The following ACAN variants were observed in gnomAD, a reference collection of about 807,000 sequenced individuals.
ACAN encodes aggrecan.
ACAN carries 47 observed loss-of-function variants against 169.1 expected under a neutral mutation model. That is an observed-to-expected ratio of 0.28 (90% confidence interval 0.22 to 0.35). The LOEUF (loss-of-function observed/expected upper bound fraction) is 0.35. Among genes scored for constraint, ACAN ranks in the 10% least tolerant of loss-of-function variants. The pLI is 1.00. For missense variants in ACAN, 2,716 were observed against 2,759.9 expected, an observed-to-expected ratio of 0.98 and a Z score of 0.36; for synonymous variants, 1,115 against 1,112.2, an observed-to-expected ratio of 1.00 and a Z score of -0.05.
At chr15:88,854,773 G>A in intron 11 of ACAN, 79 bp from the exon 12 acceptor site, 1 of 1,333,262 alleles carries the variant, frequency 7.5e-7, no homozygotes, top group East Asian at 2.9e-5. Context: ...AAAGAATGGA[G>A]TTTAGATTCT....
At chr15:88,864,174 C>T (rs893878935) in intron 13 of ACAN, among the ~76,000 whole-genome samples, 5 of 151,974 alleles carry the variant, frequency 3.3e-5, no homozygotes. Flanking sequence ...GAGACCCTGT[C>T]TCAAAAATAA....
chr15:88,839,994 C>T lies in ACAN; in HGVS notation c.455-18C>T, dbSNP rs750461232. On this transcript the variant is annotated intron_variant, in intron 3 of 18. Coordinates refer to ENST00000560601, the MANE Select transcript of ACAN (RefSeq NM_001369268.1). The surrounding 1 kb of genome is among the most constrained non-coding windows in gnomAD (Gnocchi z 4.5). The stretch of plus-strand genomic sequence containing the variant: ...CCTGACCAGCTCTTCCGCTTGTGGG[C>T]GTGTATGTGTCTTGCAGGCATCGTG... 6.9e-6 allele frequency: 11 copies of T among 1,588,342 alleles called. No individual in the cohort carries two copies. The highest frequency in any genetic ancestry group is 2.3e-5 in the South Asian group (2 of 87,162).
chr15:88,819,834 A>G (rs1469390442), intron 1 of ACAN, among the ~76,000 whole-genome samples: 1 of 152,164 alleles, frequency 6.6e-6, no homozygotes, highest in East Asian at 1.9e-4. Flanking sequence ...TTTGAGGACT[A>G]GAACAAACCT....
rs1252634842 is a variant in ACAN, at chr15:88,814,681, T to C, written c.-8+10872T>C. 1.3e-5 allele frequency among the ~76,000 whole-genome samples: 2 copies of C among 152,192 alleles called. No individual in the cohort carries two copies. Among genetic ancestry groups the C allele is most frequent in the African/African-American group, 2.4e-5 (1 of 41,450 alleles). On this transcript the variant is annotated intron_variant, in intron 1 of 18. Transcript: ENST00000560601. The surrounding 1 kb of genome is among the most constrained non-coding windows in gnomAD (Gnocchi z 4.0). ...TTGTGCCAGTGTGCAGCCTTTGCAA[T>C]TGATTGTACCCGACTCCTTCAACCC...
rs1270092009 is a variant in ACAN, at chr15:88,807,680, A to T, written c.-8+3871A>T. Among the ~76,000 whole-genome samples, 2 of 152,066 alleles carry T rather than the reference A, an allele frequency of 1.3e-5. No homozygotes were observed. The highest frequency in any genetic ancestry group is 6.5e-5 in the Admixed American group (1 of 15,274). ...AACGGTTTCTTTTTTCAAAAGTTGA[A>T]TCCAGGGCAAGAACGGAAACGGTGG... is the stretch of plus-strand genomic sequence containing the variant. On this transcript the variant is annotated intron_variant, in intron 1 of 18. Coordinates refer to ENST00000560601, the MANE Select transcript of ACAN (RefSeq NM_001369268.1). This position sits in a 1 kb window ranked among gnomAD's most constrained non-coding sequence, Gnocchi z 4.0.
At chr15:88,818,415 C>T (rs780168270) in intron 1 of ACAN, among the ~76,000 whole-genome samples, 223 of 152,228 alleles carry the variant, frequency 1.5e-3, no homozygotes, top group Non-Finnish European at 1.7e-3. Context: ...TGAGAAATTC[C>T]GCAGGTTCTC....
chr15:88,865,058 T>G (rs1006538889), intron 13 of ACAN, among the ~76,000 whole-genome samples: 11 of 152,220 alleles, frequency 7.2e-5, no homozygotes, highest in Non-Finnish European at 2.9e-5. Flanking sequence ...AACCACGTGA[T>G]GCTTTGCAAC....
rs1337120217 is a variant in ACAN, at chr15:88,870,265, C to T, written c.7061-1117C>T. On this transcript the variant is annotated intron_variant, in intron 14 of 18. Transcript: ENST00000560601. The surrounding 1 kb of genome is among the most constrained non-coding windows in gnomAD (Gnocchi z 6.3). The stretch of plus-strand genomic sequence containing the variant: ...GACTCCTTCCCCTCGGGTACTGGTC[C>T]TTCCATTCCAGGACAGCCAGAGTAT... Among the ~76,000 whole-genome samples, 1 of 152,182 alleles carries T rather than the reference C, an allele frequency of 6.6e-6. No homozygotes were observed. Among genetic ancestry groups the T allele is most frequent in the Non-Finnish European group, 1.5e-5 (1 of 68,042 alleles).
chr15:88,867,135 GA>G (rs1158316377), intron 13 of ACAN, among the ~76,000 whole-genome samples: 1 of 152,218 alleles, frequency 6.6e-6, no homozygotes, highest in African/African-American at 2.4e-5. Flanking sequence ...GAAAGCAGAA[GA>G]GATCCCCCAG....
At chr15:88,836,103 G>A (rs2141556248) in intron 1 of ACAN, 97 bp from the exon 2 acceptor site, 1 of 815,696 alleles carries the variant, frequency 1.2e-6, no homozygotes, top group Non-Finnish European at 2.1e-6. Context: ...AGGTCCTTGG[G>A]TGTGGAATTA....
At position 88,855,167 on chromosome 15, in the gene ACAN, C is replaced by G. The variant is rs1392497696; in HGVS notation, c.2582C>G (p.Ser861Cys). ...WTELPSSGEE[S>C]GAPDVSGDFT... ...GAGCTGCCCAGCTCTGGGGAGGAAT[C>G]TGGGGCCCCTGATGTCAGTGGTGAC... Residue 861 changes from serine (S) to cysteine (C), a missense_variant, in exon 12 of 19, where the codon TCT becomes TGT. This residue lies in a region of ACAN where 1,283 missense variants were observed against 1,281.5 expected (regional missense o/e 1.00). Transcript: ENST00000560601. The G allele has an allele frequency of 6.2e-7, 1 of 1,608,684 alleles. No individual in the cohort carries two copies. Among genetic ancestry groups the G allele is most frequent in the South Asian group, 1.1e-5 (1 of 90,558 alleles).
chr15:88,806,070 C>T (rs1895673939), intron 1 of ACAN, among the ~76,000 whole-genome samples: 2 of 152,246 alleles, frequency 1.3e-5, no homozygotes, highest in African/African-American at 4.8e-5. Context: ...AGCTCAGCCA[C>T]TCGCTGGCTA....
At chr15:88,804,686 G>A (rs1456603436) in intron 1 of ACAN, among the ~76,000 whole-genome samples, 1 of 152,178 alleles carries the variant, frequency 6.6e-6, no homozygotes, top group Admixed American at 6.5e-5. Context: ...GCAAGCTGCG[G>A]GGGTGGGGGC....
At chr15:88,850,339 T>C (rs534669840) in intron 10 of ACAN, 7 of 162,564 alleles carry the variant, frequency 4.3e-5, no homozygotes, top group Non-Finnish European at 8.0e-5. Flanking sequence ...ATGGATATGC[T>C]ACCATTTCAA....
chr15:88,851,567 A>C lies in ACAN; in HGVS notation c.2027-227A>C. On this transcript the variant is annotated intron_variant, in intron 10 of 18. Coordinates refer to ENST00000560601, the MANE Select transcript of ACAN (RefSeq NM_001369268.1). The surrounding 1 kb of genome is among the most constrained non-coding windows in gnomAD (Gnocchi z 4.3). ...GCCCGGCATATATGGTCAATTCTGC[A>C]GGGGAGATGCCCCAGATCACTGGAA... 2 of 511,862 alleles carry C rather than the reference A, an allele frequency of 3.9e-6. No individual in the cohort carries two copies. The highest frequency in any genetic ancestry group is 3.4e-5 in the South Asian group (1 of 29,716). 31.7% of individuals were successfully genotyped at this position (511,862 alleles called of 1,614,324 possible).
chr15:88,833,530 C>T (rs371367521), intron 1 of ACAN, among the ~76,000 whole-genome samples: 5 of 152,124 alleles, frequency 3.3e-5, no homozygotes, highest in African/African-American at 1.2e-4. Context: ...TCAGTCTTCT[C>T]GCATAAAAGG....
Position 88,803,699 on chromosome 15 carries a change from GT to G in ACAN, c.-117del, listed in dbSNP as rs1895596489. On this transcript the variant is annotated 5_prime_UTR_variant, in exon 1 of 19. Transcript: ENST00000560601. Reference sequence around the variant, plus strand: ...GGGGTGCGCAGCGCCCGCGCAGAGCGTCTCCCTCGCTACGCAGCGAGACCCG... The same window carrying G: ...GGGGTGCGCAGCGCCCGCGCAGAGCGCTCCCTCGCTACGCAGCGAGACCCG... The G allele has an allele frequency of 6.6e-6, 1 of 152,194 alleles. No individual in the cohort carries two copies. The highest frequency in any genetic ancestry group is 1.5e-5 in the Non-Finnish European group (1 of 68,112). 9.4% of individuals were successfully genotyped at this position (152,194 alleles called of 1,614,324 possible). A position where few individuals can be genotyped will look rare whatever the true frequency, so the allele number is the denominator to read the frequency against.
chr15:88,838,553 C>T lies in ACAN; in HGVS notation c.71-110C>T, dbSNP rs1896563785. The T allele has an allele frequency of 1.1e-5, 14 of 1,307,006 alleles. No individual in the cohort carries two copies. Among genetic ancestry groups the T allele is most frequent in the African/African-American group, 3.0e-5 (2 of 67,624 alleles). The allele number at this position is 1,307,006 out of a possible 1,614,324, so 81.0% of individuals were successfully genotyped here. A position where few individuals can be genotyped will look rare whatever the true frequency, so the allele number is the denominator to read the frequency against. On this transcript the variant is annotated intron_variant, in intron 2 of 18. Transcript: ENST00000560601. The surrounding 1 kb of genome is among the most constrained non-coding windows in gnomAD (Gnocchi z 5.1). The stretch of plus-strand genomic sequence containing the variant: ...CCATCATAGAGACAGACACACTCAT[C>T]GGATTTCGCTCTCTCAGGAGAGTGC...
chr15:88,812,782 C>T (rs894803425), intron 1 of ACAN, among the ~76,000 whole-genome samples: 5 of 152,096 alleles, frequency 3.3e-5, no homozygotes, highest in Non-Finnish European at 7.4e-5. Flanking sequence ...TGGTCAGTTT[C>T]CTTGGTGATT....
Sources: gnomAD v4.1 joint callset for allele counts (sites outside exome capture counted in the v4.1 genomes callset) on GRCh38, gnomAD v4.1.1 for gene constraint, gnomAD v4.1.1 regional missense constraint, Gnocchi (gnomAD v3.1) non-coding constraint, MANE v1.5 for transcripts, NCBI Gene and HGNC (gene_info 2026-07-23, HGNC 2026-07-21) for gene names.